The following WAPL variants were observed in gnomAD, a reference collection of about 807,000 sequenced individuals.
The protein encoded by WAPL is wings apart-like protein homolog.
Under a neutral mutation model 121.0 loss-of-function variants are expected in WAPL, and 5 were observed. That is an observed-to-expected ratio of 0.04 (90% confidence interval 0.02 to 0.09). The LOEUF is 0.09. WAPL is among the 10% of genes least tolerant of loss of function. The pLI, the probability that WAPL is intolerant of heterozygous loss-of-function variation, is 1.00. For missense variants in WAPL, 999 were observed against 1,410.8 expected, an observed-to-expected ratio of 0.71 and a Z score of 4.68; for synonymous variants, 480 against 481.5, an observed-to-expected ratio of 1.00 and a Z score of 0.04.
intron 2 of WAPL, among the ~76,000 whole-genome samples, chr10:86,503,872 A>G (rs1485400009): frequency 4.6e-5 from 7 of 152,232 alleles, no homozygotes; most frequent in African/African-American, 2.4e-5. Flanking sequence ...ATGTCCCAGT[A>G]GAAAATGGCG....
chr10:86,496,855 CAG>C (rs1205517692), intron 4 of WAPL, among the ~76,000 whole-genome samples: 2 of 149,258 alleles, frequency 1.3e-5, no homozygotes, highest in Non-Finnish European at 3.0e-5. Context: ...TTCCTAGAGA[CAG>C]AGTGGAATAG....
chr10:86,517,641 T>C lies in WAPL; in HGVS notation c.429A>G (p.Lys143=), dbSNP rs1374674819. ...CFPLEDTLLG[K]EKSTNRIVED... ...CTACAATTCGGTTTGTGCTCTTTTC[T>C]TTCCCAAGTAAAGTGTCCTCCAAAG... The change falls in exon 2 of 19, where the codon AAA becomes AAG. Residue 143 remains lysine, a synonymous_variant. Coordinates refer to ENST00000298767, the MANE Select transcript of WAPL (RefSeq NM_015045.5). 2 of 1,614,014 alleles carry C rather than the reference T, an allele frequency of 1.2e-6. No individual in the cohort carries two copies. Among genetic ancestry groups the C allele is most frequent in the East Asian group, 4.5e-5 (2 of 44,884 alleles).
intron 13 of WAPL, 71 bp downstream of exon 13, chr10:86,453,585 G>T: frequency 6.7e-7 from 1 of 1,490,646 alleles, no homozygotes; most frequent in Non-Finnish European, 9.0e-7. Flanking sequence ...AGGAAAAGGA[G>T]AAACAAAAAT....
intron 10 of WAPL, 115 bp from the exon 11 acceptor site, chr10:86,460,611 C>T: frequency 1.4e-6 from 1 of 718,010 alleles, no homozygotes; most frequent in South Asian, 2.0e-5. Flanking sequence ...GCTGGAACCT[C>T]TCTGAACATT....
intron 4 of WAPL, among the ~76,000 whole-genome samples, chr10:86,479,125 C>A (rs373640307): frequency 2.3e-4 from 30 of 130,076 alleles, no homozygotes; most frequent in African/African-American, 6.1e-4. Flanking sequence ...ACAAAAAAAA[C>A]AAAACAACAA....
intron 2 of WAPL, among the ~76,000 whole-genome samples, chr10:86,513,341 T>C (rs1842500261): frequency 6.6e-6 from 1 of 152,118 alleles, no homozygotes; most frequent in African/African-American, 2.4e-5. Context: ...TTTATTTATT[T>C]ACTTATTTAT....
intron 8 of WAPL, among the ~76,000 whole-genome samples, chr10:86,467,913 C>T (rs924960539): frequency 1.3e-5 from 2 of 151,862 alleles, no homozygotes; most frequent in South Asian, 2.1e-4. Flanking sequence ...CTCCTGACTT[C>T]GTGATCCGCC....
chr10:86,438,703 A>G (rs934288867), intron 17 of WAPL, among the ~76,000 whole-genome samples: 5 of 152,256 alleles, frequency 3.3e-5, no homozygotes, highest in African/African-American at 1.2e-4. Flanking sequence ...CATGAAATAA[A>G]AAGATCAAAG....
intron 4 of WAPL, among the ~76,000 whole-genome samples, chr10:86,489,569 T>C (rs536715290): frequency 1.3e-5 from 2 of 152,232 alleles, no homozygotes; most frequent in Admixed American, 1.3e-4. Context: ...CAAAGACATT[T>C]TGGGTTGTAA....
At chr10:86,460,633 G>T in intron 10 of WAPL, 137 bp from the exon 11 acceptor site, 1 of 620,438 alleles carries the variant, frequency 1.6e-6, no homozygotes, top group East Asian at 3.0e-5. Flanking sequence ...TTTATTCTAG[G>T]TTTCATACTG....
intron 17 of WAPL, among the ~76,000 whole-genome samples, chr10:86,439,302 TACAC>T (rs920135582): frequency 1.3e-5 from 2 of 152,200 alleles, no homozygotes; most frequent in Non-Finnish European, 2.9e-5. Context: ...AGATATCAGT[TACAC>T]ACATTCAAAC....
rs1445915555 is a variant in WAPL, at chr10:86,521,246, A to G, written c.-23+119T>C. 3.0e-5 allele frequency: 7 copies of G among 236,392 alleles called. No homozygotes were observed. The East Asian group carries it at 1.3e-3, about 43-fold the overall frequency. 14.6% of individuals were successfully genotyped at this position (236,392 alleles called of 1,614,324 possible). A position where few individuals can be genotyped will look rare whatever the true frequency, so the allele number is the denominator to read the frequency against. On this transcript the variant is annotated intron_variant, in intron 1 of 18. Transcript: ENST00000298767. ...GTTCCTCAGGTCATTCCCCTGCCCAACTTCCTCAGCGGCCCGGTGGGCGAG... is the reference window on the plus strand; with the variant it reads ...GTTCCTCAGGTCATTCCCCTGCCCAGCTTCCTCAGCGGCCCGGTGGGCGAG...
In WAPL at chr10:86,472,824, C is replaced by G; in HGVS notation, c.1741-60G>C. On this transcript the variant is annotated intron_variant, in intron 5 of 18. Coordinates refer to ENST00000298767, the MANE Select transcript of WAPL (RefSeq NM_015045.5). The surrounding 1 kb of genome is among the most constrained non-coding windows in gnomAD (Gnocchi z 4.2). The stretch of plus-strand genomic sequence containing the variant: ...TAAATATATAAAAATAGGAACGTCT[C>G]ATCTATCTGGCAAATTCAGCTTCAA... 1.4e-6 allele frequency: 2 copies of G among 1,458,234 alleles called. No homozygotes were observed. 90.3% of individuals were successfully genotyped at this position (1,458,234 alleles called of 1,614,324 possible).
intron 16 of WAPL, among the ~76,000 whole-genome samples, chr10:86,445,335 G>T (rs1324412033): frequency 6.6e-6 from 1 of 152,012 alleles, no homozygotes; most frequent in African/African-American, 2.4e-5. Context: ...TTGATTTGTG[G>T]TTGGCTGACT....
chr10:86,435,654 A>AAAAAC lies in WAPL; in HGVS notation c.*1884_*1888dup. 1 of 152,686 alleles carries AAAAAC rather than the reference A, an allele frequency of 6.5e-6. No homozygotes were observed. The highest frequency in any genetic ancestry group is 1.5e-5 in the Non-Finnish European group (1 of 68,030). 9.5% of individuals were successfully genotyped at this position (152,686 alleles called of 1,614,324 possible). ...GTGCTCGACAATTAGTTATTATTTA[A>AAAAAC]AAAACAAAACAAAACAAAAAACTGT... is the stretch of plus-strand genomic sequence containing the variant. On this transcript the variant is annotated 3_prime_UTR_variant, in exon 19 of 19. Transcript: ENST00000298767.
At chr10:86,509,700 T>C (rs921157636) in intron 2 of WAPL, among the ~76,000 whole-genome samples, 11 of 151,892 alleles carry the variant, frequency 7.2e-5, no homozygotes, top group Non-Finnish European at 1.2e-4. Flanking sequence ...TGAGTACTAC[T>C]TCCTAAAGGC....
chr10:86,457,188 C>T (rs1407153041), intron 12 of WAPL, among the ~76,000 whole-genome samples: 6 of 152,038 alleles, frequency 3.9e-5, no homozygotes, highest in African/African-American at 4.8e-5. Flanking sequence ...AGAATGCATG[C>T]GGTAAGAGCA....
At position 86,472,226 on chromosome 10, in the gene WAPL, A is replaced by G; in HGVS notation, c.2012T>C (p.Leu671Pro). ...LLSGLKSTQP[L>P]NTRCLSVISL... ...ATCTTACCTAAGGCAACGTGTGTTT[A>G]GAGGCTGAGTGCTCTTTAAGCCACT... Residue 671 changes from leucine to proline, a missense_variant, in exon 7 of 19, where the codon CTA becomes CCA. By Grantham distance (98) the Leu-to-Pro change is moderately conservative. Coordinates refer to ENST00000298767, the MANE Select transcript of WAPL (RefSeq NM_015045.5). The surrounding 1 kb of genome is among the most constrained non-coding windows in gnomAD (Gnocchi z 4.2). 1 of 1,576,848 alleles carries G rather than the reference A, an allele frequency of 6.3e-7. No individual in the cohort carries two copies. Among genetic ancestry groups the G allele is most frequent in the Non-Finnish European group, 8.5e-7 (1 of 1,169,894 alleles).
At chr10:86,507,923 T>C (rs556059968) in intron 2 of WAPL, among the ~76,000 whole-genome samples, 2 of 152,178 alleles carry the variant, frequency 1.3e-5, no homozygotes, top group East Asian at 1.9e-4. Flanking sequence ...CACCCTAAAT[T>C]CCCTTGCTTC....
Sources: gnomAD v4.1 joint callset for allele counts (sites outside exome capture counted in the v4.1 genomes callset) on GRCh38, gnomAD v4.1.1 for gene constraint, Gnocchi (gnomAD v3.1) non-coding constraint, MANE v1.5 for transcripts, NCBI Gene and HGNC (gene_info 2026-07-23, HGNC 2026-07-21) for gene names.